MYBBP1A: variants seen among roughly 807,000 people sequenced by gnomAD.
MYBBP1A encodes the protein myb-binding protein 1A.
MYBBP1A carries 147 observed loss-of-function variants against 136.3 expected under a neutral mutation model. The observed-to-expected ratio is 1.08, with a 90% CI of 0.94 to 1.24. The LOEUF (loss-of-function observed/expected upper bound fraction) is 1.24. MYBBP1A is among the 50% of genes most tolerant of loss of function. The pLI is 0.00. For synonymous variants in MYBBP1A, 947 were observed against 735.8 expected (o/e 1.29, Z -4.65); for missense variants, 2,060 against 1,727.4 (o/e 1.19, Z -3.41).
Position 4,541,573 on chromosome 17 carries a change from G to T in MYBBP1A, c.3196-9C>A. 6.2e-7 allele frequency: 1 copy of T among 1,610,826 alleles called. No individual in the cohort carries two copies. The highest frequency in any genetic ancestry group is 8.5e-7 in the Non-Finnish European group (1 of 1,179,792). On this transcript the variant is annotated splice_polypyrimidine_tract_variant and intron_variant, in intron 23 of 25. Coordinates refer to ENST00000254718, the MANE Select transcript of MYBBP1A (RefSeq NM_014520.4). The stretch of plus-strand genomic sequence containing the variant: ...CCCAGCACGCGCAAGTTCTAGGGAA[G>T]GGTGGCCAGGCTGAGGCACTCCGGA...
chr17:4,542,297 G>T (rs906206988), intron 22 of MYBBP1A, 167 bp downstream of exon 22: 5 of 777,790 alleles, frequency 6.4e-6, no homozygotes, highest in Non-Finnish European at 1.0e-5. Context: ...CCAGGGCACG[G>T]CCACCCCCTT....
chr17:4,539,896 C>A lies in MYBBP1A; in HGVS notation c.3506G>T (p.Arg1169Leu). The A allele has an allele frequency of 3.1e-6, 5 of 1,601,498 alleles. No individual in the cohort carries two copies. Among genetic ancestry groups the A allele is most frequent in the Non-Finnish European group, 3.4e-6 (4 of 1,179,942 alleles). The change falls in exon 26 of 26, where the codon CGG (arginine) becomes CTG (leucine). Residue 1169 changes from arginine (R) to leucine (L), a missense_variant. Coordinates refer to ENST00000254718, the MANE Select transcript of MYBBP1A (RefSeq NM_014520.4). ...CTCTGGCAAGAATCCCTTTTTCTTC[C>A]GCTTCTTACTGATGGGGCTCTGGGT... ...SATQSPISKKRKKKGFLPETK... is the reference protein window; with the variant it reads ...SATQSPISKKLKKKGFLPETK...
intron 5 of MYBBP1A, 91 bp downstream of exon 5, chr17:4,553,718 TG>T: frequency 4.4e-6 from 4 of 911,612 alleles, no homozygotes; most frequent in Non-Finnish European, 5.1e-6. Context: ...TGTATTTCTA[TG>T]GAACAGTGCT....
chr17:4,547,898 G>T (rs2144474905), intron 13 of MYBBP1A, 60 bp downstream of exon 13: 1 of 1,340,278 alleles, frequency 7.5e-7, no homozygotes, highest in South Asian at 1.5e-5. Flanking sequence ...CCTCTCGGTA[G>T]GGGGCCCATT....
chr17:4,555,041 C>T, intron 1 of MYBBP1A, 85 bp from the exon 2 acceptor site: 1 of 1,587,018 alleles, frequency 6.3e-7, no homozygotes, highest in East Asian at 2.3e-5. Context: ...TTCGCGACCA[C>T]GTGCCCCCAG....
At position 4,552,618 on chromosome 17, in the gene MYBBP1A, C is replaced by T. The variant is rs756827973; in HGVS notation, c.570G>A (p.Lys190=). Residue 190 remains lysine (K), a synonymous_variant, in exon 6 of 26, where the codon AAG becomes AAA. Coordinates refer to ENST00000254718, the MANE Select transcript of MYBBP1A (RefSeq NM_014520.4). This position sits in a 1 kb window ranked among gnomAD's most constrained non-coding sequence, Gnocchi z 4.7. ...ALVDILSEVS[K]ATLQEILPEV... ...CCGGCAGGATCTCCTGCAATGTGGC[C>T]TTCGAGACCTAAGGATGGAGGGAGA... is the stretch of plus-strand genomic sequence containing the variant. The T allele has an allele frequency of 5.0e-6, 8 of 1,612,984 alleles. No homozygotes were observed. The Admixed American group carries it at 1.2e-4, about 24-fold the overall frequency.
rs1907256083 is a variant in MYBBP1A at position 4,548,937 on chromosome 17, G to A, written c.1431-288C>T. ...GAACCAACAGATGGGAGGCTGTGTG[G>A]TCATGGCCAAGTCAGGTCACTGCTC... On this transcript the variant is annotated intron_variant, in intron 10 of 25. Transcript: ENST00000254718. The surrounding 1 kb of genome is among the most constrained non-coding windows in gnomAD (Gnocchi z 4.2). Among the ~76,000 whole-genome samples, 1 of 152,242 alleles carries A rather than the reference G, an allele frequency of 6.6e-6. No individual in the cohort carries two copies. Among genetic ancestry groups the A allele is most frequent in the African/African-American group, 2.4e-5 (1 of 41,468 alleles).
chr17:4,541,524 T>C lies in MYBBP1A; in HGVS notation c.3236A>G (p.His1079Arg), dbSNP rs371483524. ...VLGEAQTKAQ[H>R]QQALSSLELL... ...CTCCAGGGAGGACAGTGCCTGCTGATGCTGCGCCTTGGTCTGCGCCTCCCC... is the reference window on the plus strand; with the variant it reads ...CTCCAGGGAGGACAGTGCCTGCTGACGCTGCGCCTTGGTCTGCGCCTCCCC... Residue 1079 changes from histidine to arginine, a missense_variant, in exon 24 of 26, where the codon CAT becomes CGT. Transcript: ENST00000254718. The C allele has an allele frequency of 2.0e-4, 317 of 1,613,278 alleles. No individual in the cohort carries two copies. The highest frequency in any genetic ancestry group is 2.5e-4 in the Non-Finnish European group (298 of 1,180,048).
intron 23 of MYBBP1A, 101 bp downstream of exon 23, chr17:4,541,683 G>A (rs935150680): frequency 9.1e-6 from 13 of 1,424,162 alleles, no homozygotes; most frequent in Middle Eastern, 1.8e-4. Context: ...CAGTTCTCCC[G>A]ACTCTGGACT....
Position 4,548,668 on chromosome 17 carries a change from T to A in MYBBP1A, c.1431-19A>T. 6.2e-7 allele frequency: 1 copy of A among 1,612,738 alleles called. No homozygotes were observed. Reference sequence around the variant, plus strand: ...ACAAAACCTGGGGAGGGTGGGAGAGTGGCCATAGCCATTCACTGCCATTGG... The same window carrying A: ...ACAAAACCTGGGGAGGGTGGGAGAGAGGCCATAGCCATTCACTGCCATTGG... On this transcript the variant is annotated intron_variant, in intron 10 of 25. Coordinates refer to ENST00000254718, the MANE Select transcript of MYBBP1A (RefSeq NM_014520.4). The surrounding 1 kb of genome is among the most constrained non-coding windows in gnomAD (Gnocchi z 4.2).
rs774691971 is a variant in MYBBP1A at position 4,552,594 on chromosome 17, C to T, written c.594G>A (p.Pro198=). The T allele has an allele frequency of 6.8e-6, 11 of 1,613,694 alleles. No homozygotes were observed. Among genetic ancestry groups the T allele is most frequent in the Admixed American group, 3.3e-5 (2 of 60,002 alleles). Residue 198 remains proline (P), a synonymous_variant, in exon 6 of 26, where the codon CCG becomes CCA. Transcript: ENST00000254718. This position sits in a 1 kb window ranked among gnomAD's most constrained non-coding sequence, Gnocchi z 4.7. ...VSKATLQEIL[P]EVLKADLNII... is the part of the protein sequence containing the mutation. Reference sequence around the variant, plus strand: ...TATTCAAGTCGGCTTTGAGGACCTCCGGCAGGATCTCCTGCAATGTGGCCT... The same window carrying T: ...TATTCAAGTCGGCTTTGAGGACCTCTGGCAGGATCTCCTGCAATGTGGCCT...
At position 4,545,134 on chromosome 17, in the gene MYBBP1A, ACT is replaced by A. The variant is rs1906881395; in HGVS notation, c.2200_2201del (p.Ser734Ter). 6.2e-7 allele frequency: 1 copy of A among 1,609,066 alleles called. No individual in the cohort carries two copies. Among genetic ancestry groups the A allele is most frequent in the Non-Finnish European group, 8.5e-7 (1 of 1,178,756 alleles). ...TCTCCTCCCCCTCGCTCTCCTCTTC[ACT>A]CTCTGAGCTTCTGTTGTCCTCACCT... is the stretch of plus-strand genomic sequence containing the variant. The part of the protein sequence containing the change: ...EEGEDNRSSE[S>X]EEESEGEESE... On this transcript the variant is annotated frameshift_variant, in exon 17 of 26. Transcript: ENST00000254718. LOFTEE classifies it high-confidence loss of function.
In MYBBP1A at chr17:4,549,383, A is replaced by G; in HGVS notation, c.1379T>C (p.Val460Ala). The change falls in exon 10 of 26, where the codon GTG (valine) becomes GCG (alanine). Residue 460 changes from valine (V) to alanine (A), a missense_variant. By Grantham distance (64) the Val-to-Ala change is moderately conservative. Coordinates refer to ENST00000254718, the MANE Select transcript of MYBBP1A (RefSeq NM_014520.4). ...KWIIFRLVSI[V>A]DSLHLEMEEA... The stretch of plus-strand genomic sequence containing the variant: ...CTCCATCTCCAGGTGCAGGCTGTCC[A>G]CAATGCTCACCAATCGAAAGATGAT... The G allele has an allele frequency of 6.2e-7, 1 of 1,613,296 alleles. No homozygotes were observed. The highest frequency in any genetic ancestry group is 8.5e-7 in the Non-Finnish European group (1 of 1,179,982).
Position 4,548,108 on chromosome 17 carries a change from G to A in MYBBP1A, c.1724+35C>T, listed in dbSNP as rs764303650. The A allele has an allele frequency of 6.5e-5, 105 of 1,603,622 alleles. No homozygotes were observed. Among genetic ancestry groups the A allele is most frequent in the Middle Eastern group, 1.7e-4 (1 of 6,050 alleles). ...GCCCCTGCACCAGTCAGACTGCAGCGTCCTGCCCACCCCCTGGAAATCCCA... is the reference window on the plus strand; with the variant it reads ...GCCCCTGCACCAGTCAGACTGCAGCATCCTGCCCACCCCCTGGAAATCCCA... On this transcript the variant is annotated intron_variant, in intron 12 of 25. Coordinates refer to ENST00000254718, the MANE Select transcript of MYBBP1A (RefSeq NM_014520.4). The surrounding 1 kb of genome is among the most constrained non-coding windows in gnomAD (Gnocchi z 4.2).
Position 4,550,246 on chromosome 17 carries a change from G to A in MYBBP1A, c.1131C>T (p.Phe377=), listed in dbSNP as rs751870587. 2.5e-6 allele frequency: 4 copies of A among 1,613,678 alleles called. No homozygotes were observed. The highest frequency in any genetic ancestry group is 3.4e-6 in the Non-Finnish European group (4 of 1,180,048). The change falls in exon 9 of 26, where the codon TTC becomes TTT. Residue 377 remains phenylalanine, a synonymous_variant. Coordinates refer to ENST00000254718, the MANE Select transcript of MYBBP1A (RefSeq NM_014520.4). ...GGAGGCCTTGGTTGGTGACAGATGAGAAGGCCACTAGCACGGCCAGCTGCC... is the reference window on the plus strand; with the variant it reads ...GGAGGCCTTGGTTGGTGACAGATGAAAAGGCCACTAGCACGGCCAGCTGCC... The part of the protein sequence containing the change: ...PERQLAVLVA[F]SSVTNQGLPV...
At chr17:4,545,445 C>T (rs1029633417) in intron 15 of MYBBP1A, 100 bp from the exon 16 acceptor site, 15 of 1,547,020 alleles carry the variant, frequency 9.7e-6, no homozygotes, top group Admixed American at 3.7e-5. Context: ...CAGAAGAAAA[C>T]GGAGCCTAGG....
At chr17:4,543,324 G>T in intron 19 of MYBBP1A, 159 bp from the exon 20 acceptor site, 3 of 999,282 alleles carry the variant, frequency 3.0e-6, no homozygotes, top group Middle Eastern at 3.0e-4. Context: ...CCGCCTGCAG[G>T]CTGCCTGGAA....
Position 4,541,471 on chromosome 17 carries a change from T to C in MYBBP1A, c.3289A>G (p.Lys1097Glu), listed in dbSNP as rs889848011. ...ELLNVLFRTC[K>E]HEKLTLDLTV... is the part of the protein sequence containing the mutation. ...CTGGGCCCCCGCCTCACCTCATGTT[T>C]GCAGGTCCTGAAGAGAACGTTGAGC... is the stretch of plus-strand genomic sequence containing the variant. The change falls in exon 24 of 26, where the codon AAA becomes GAA. Residue 1097 changes from lysine (K) to glutamate (E), a missense_variant. Physicochemically the swap from Lys to Glu is moderately conservative, Grantham distance 56 (BLOSUM62 1). Coordinates refer to ENST00000254718, the MANE Select transcript of MYBBP1A (RefSeq NM_014520.4). The C allele has an allele frequency of 6.2e-7, 1 of 1,613,296 alleles. No individual in the cohort carries two copies. Among genetic ancestry groups the C allele is most frequent in the Non-Finnish European group, 8.5e-7 (1 of 1,179,940 alleles).
intron 13 of MYBBP1A, among the ~76,000 whole-genome samples, chr17:4,546,143 G>T (rs1331630176): frequency 2.0e-5 from 3 of 152,222 alleles, no homozygotes; most frequent in Non-Finnish European, 2.9e-5. Flanking sequence ...TTTTGAGATG[G>T]AGTCTCGCTC....
Sources: allele counts gnomAD v4.1 joint callset (sites outside exome capture counted in the v4.1 genomes callset), GRCh38; gene constraint gnomAD v4.1.1; non-coding constraint Gnocchi (gnomAD v3.1); transcripts MANE v1.5; gene names NCBI Gene and HGNC (gene_info 2026-07-23, HGNC 2026-07-21).